The following RTL4 variants were observed in gnomAD, a reference collection of about 807,000 sequenced individuals.
The protein encoded by RTL4 is retrotransposon Gag like 4, also known as retrotransposon Gag-like protein 4.
A neutral mutation model predicts 5.3 loss-of-function variants in RTL4; 4 were observed. That is an observed-to-expected ratio of 0.75 (90% CI 0.37 to 1.72). The LOEUF (loss-of-function observed/expected upper bound fraction) is 1.72. RTL4 is among the 40% of genes most tolerant of loss of function. The pLI is 0.04. For missense variants in RTL4, 260 were observed against 227.1 expected, an observed-to-expected ratio of 1.14 and a Z score of -0.93; for synonymous variants, 98 against 87.3, an observed-to-expected ratio of 1.12 and a Z score of -0.68.
At chrX:112,292,654 C>G in the RTL4 span, among the ~76,000 whole-genome samples, 1 of 111,327 alleles carries the variant, frequency 9.0e-6, no homozygotes, top group East Asian at 2.8e-4. Flanking sequence ...ATTCCATGTA[C>G]TGAAATATTG....
the RTL4 span, among the ~76,000 whole-genome samples, chrX:112,220,666 G>A: frequency 1.8e-5 from 2 of 112,263 alleles, no homozygotes; most frequent in Non-Finnish European, 3.8e-5. Flanking sequence ...TTAAACATAA[G>A]TTCCAATTTC....
chrX:112,253,885 A>C, the RTL4 span, among the ~76,000 whole-genome samples: 2 of 111,686 alleles, frequency 1.8e-5, no homozygotes, highest in African/African-American at 3.3e-5. Context: ...CTGTTACACC[A>C]GCTTAGCAAT....
chrX:112,283,686 T>C, the RTL4 span, among the ~76,000 whole-genome samples: 2 of 111,478 alleles, frequency 1.8e-5, no homozygotes, highest in Non-Finnish European at 3.8e-5. Context: ...CATTTCCAAA[T>C]AGAGTAAATA....
At chrX:112,401,175 A>G in the RTL4 span, among the ~76,000 whole-genome samples, 5 of 112,094 alleles carry the variant, frequency 4.5e-5, no homozygotes, top group Non-Finnish European at 9.4e-5. Context: ...AGCCCAAAGT[A>G]GAAGTTTTCT....
chrX:112,162,749 G>C, the RTL4 span, among the ~76,000 whole-genome samples: 9 of 111,686 alleles, frequency 8.1e-5, no homozygotes, highest in African/African-American at 2.9e-4. Flanking sequence ...CAACAGACGA[G>C]TCTCCCCTAA....
the RTL4 span, among the ~76,000 whole-genome samples, chrX:112,368,403 G>T: frequency 1.8e-5 from 2 of 111,771 alleles, no homozygotes; most frequent in Non-Finnish European, 3.8e-5. Flanking sequence ...TCCTTTGGTA[G>T]TCACTATTTA....
chrX:112,290,726 GCA>G, the RTL4 span, among the ~76,000 whole-genome samples: 1 of 111,584 alleles, frequency 9.0e-6, no homozygotes, highest in Non-Finnish European at 1.9e-5. Context: ...ATAATATTTA[GCA>G]CAGAGTTGTT....
chrX:112,095,146 A>G, the RTL4 span, among the ~76,000 whole-genome samples: 1 of 111,629 alleles, frequency 9.0e-6, no homozygotes, highest in African/African-American at 3.3e-5. Flanking sequence ...CCATTATAAC[A>G]TGAAGAAAGG....
the RTL4 span, among the ~76,000 whole-genome samples, chrX:112,429,979 A>C: frequency 5.4e-5 from 6 of 110,686 alleles, no homozygotes; most frequent in Non-Finnish European, 1.1e-4. Flanking sequence ...ATATTTATTT[A>C]TCTTTGATTT....
chrX:112,125,085 T>TA, the RTL4 span, among the ~76,000 whole-genome samples: 1 of 106,920 alleles, frequency 9.4e-6, no homozygotes, highest in Non-Finnish European at 1.9e-5. Context: ...TTTTTTTTTT[T>TA]ATTAGAGATG....
the RTL4 span, among the ~76,000 whole-genome samples, chrX:112,314,238 C>G: frequency 9.0e-6 from 1 of 111,571 alleles, no homozygotes; most frequent in Non-Finnish European, 1.9e-5. Flanking sequence ...TCAGCACATC[C>G]CACCGGGGTT....
At chrX:112,407,644 G>T in the RTL4 span, among the ~76,000 whole-genome samples, 2 of 112,288 alleles carry the variant, frequency 1.8e-5, no homozygotes, top group Non-Finnish European at 3.8e-5. Flanking sequence ...CAGCCCCAGG[G>T]CCTTGAGTGA....
the RTL4 span, among the ~76,000 whole-genome samples, chrX:112,240,535 C>G: frequency 3.0e-3 from 332 of 111,649 alleles, no homozygotes; most frequent in African/African-American, 9.9e-3. Flanking sequence ...TTAAACATCT[C>G]ATGTGATATA....
chrX:112,403,943 T>C, the RTL4 span, among the ~76,000 whole-genome samples: 1 of 112,263 alleles, frequency 8.9e-6, no homozygotes, highest in African/African-American at 3.2e-5. Context: ...ATATCCAGAT[T>C]TTTAACTTTT....
At chrX:112,326,567 C>G in the RTL4 span, among the ~76,000 whole-genome samples, 12 of 111,725 alleles carry the variant, frequency 1.1e-4, no homozygotes, top group Admixed American at 8.5e-4. Flanking sequence ...AAGGTGGCAG[C>G]GAGGCTGGGG....
chrX:112,252,455 A>G, the RTL4 span, among the ~76,000 whole-genome samples: 28 of 112,272 alleles, frequency 2.5e-4, no homozygotes, highest in East Asian at 1.7e-3. Flanking sequence ...GAGAAAGTCT[A>G]TGAGAGAGAG....
chrX:112,344,338 C>T, the RTL4 span, among the ~76,000 whole-genome samples: 1 of 111,883 alleles, frequency 8.9e-6, no homozygotes, highest in East Asian at 2.8e-4. Flanking sequence ...TAAAGAAGTA[C>T]CTGAAACTGG....
chrX:112,184,638 T>G, the RTL4 span, among the ~76,000 whole-genome samples: 1 of 112,349 alleles, frequency 8.9e-6, no homozygotes, highest in Non-Finnish European at 1.9e-5. Context: ...TGAATCATGC[T>G]GTGCTTCCAC....
chrX:112,304,125 G>C, the RTL4 span, among the ~76,000 whole-genome samples: 1 of 110,453 alleles, frequency 9.1e-6, no homozygotes, highest in Non-Finnish European at 1.9e-5. Flanking sequence ...CCCAAGGAAG[G>C]CTGCCTAAGG....
Sources: allele counts gnomAD v4.1 joint callset (sites outside exome capture counted in the v4.1 genomes callset), GRCh38; gene constraint gnomAD v4.1.1; transcripts MANE v1.5; gene names NCBI Gene and HGNC (gene_info 2026-07-23, HGNC 2026-07-21).